Variants in BMERB1 observed in about 807,000 individuals in gnomAD.
The protein encoded by BMERB1 is bMERB domain containing 1, also known as bMERB domain-containing protein 1.
BMERB1 carries 12 observed loss-of-function variants against 23.6 expected under a neutral mutation model. That is an observed-to-expected ratio of 0.51 (90% confidence interval 0.33 to 0.82). BMERB1 has a LOEUF of 0.82. Ranked by LOEUF, BMERB1 falls within the 40% of genes least tolerant of loss-of-function variation. The pLI, the probability that BMERB1 is intolerant of heterozygous loss-of-function variation, is 0.03. For missense variants in BMERB1, 247 were observed against 255.4 expected, an observed-to-expected ratio of 0.97 and a Z score of 0.22; for synonymous variants, 122 against 96.6, an observed-to-expected ratio of 1.26 and a Z score of -1.54.
chr16:15,575,993 A>G (rs1225971810), intron 3 of BMERB1, among the ~76,000 whole-genome samples: 3 of 151,148 alleles, frequency 2.0e-5, no homozygotes, highest in Admixed American at 6.6e-5. Flanking sequence ...CCCTGCCTCC[A>G]GACCATATTC....
intron 2 of BMERB1, among the ~76,000 whole-genome samples, chr16:15,523,976 C>A (rs2051881501): frequency 6.6e-6 from 1 of 152,084 alleles, no homozygotes; most frequent in African/African-American, 2.4e-5. Context: ...TGCAACTCTA[C>A]CCTGGGGCCT....
intron 1 of BMERB1, among the ~76,000 whole-genome samples, chr16:15,513,184 A>T (rs1005150501): frequency 6.6e-6 from 1 of 152,190 alleles, no homozygotes; most frequent in African/African-American, 2.4e-5. Context: ...GCCCGAAGGA[A>T]CCCTGTAGAT....
At chr16:15,436,362 G>A (rs2050888343) in intron 1 of BMERB1, among the ~76,000 whole-genome samples, 1 of 149,314 alleles carries the variant, frequency 6.7e-6, no homozygotes, top group Non-Finnish European at 1.5e-5. Flanking sequence ...GGGTTCAAGC[G>A]ATTCTCCTGC....
chr16:15,551,350 AAAAAGGC>A (rs2030087225), intron 2 of BMERB1, among the ~76,000 whole-genome samples: 1 of 152,192 alleles, frequency 6.6e-6, no homozygotes, highest in African/African-American at 2.4e-5. Flanking sequence ...ACCATGAAGG[AAAAAGGC>A]AAAGTCCCTT....
At chr16:15,471,730 C>T (rs568970669) in intron 1 of BMERB1, among the ~76,000 whole-genome samples, 1 of 152,252 alleles carries the variant, frequency 6.6e-6, no homozygotes, top group East Asian at 1.9e-4. Context: ...GAACTACAAG[C>T]ATGCACCACC....
chr16:15,507,444 G>A (rs2150946455), intron 1 of BMERB1, among the ~76,000 whole-genome samples: 1 of 152,274 alleles, frequency 6.6e-6, no homozygotes, highest in East Asian at 1.9e-4. Context: ...TCTTCCCCCA[G>A]AAGTGACTCA....
chr16:15,482,488 GGAGCCTGGTGTGGAGGGTT>G (rs1439017326), intron 1 of BMERB1, among the ~76,000 whole-genome samples: 1 of 152,118 alleles, frequency 6.6e-6, no homozygotes, highest in East Asian at 1.9e-4. Context: ...CTTTGGAGGA[GGAGCCTGGTGTGGAGGGTT>G]GAGCCTGGTG....
chr16:15,523,601 T>C (rs988740690), intron 2 of BMERB1, among the ~76,000 whole-genome samples: 2 of 152,308 alleles, frequency 1.3e-5, no homozygotes, highest in Admixed American at 1.3e-4. Flanking sequence ...TAGCTTTGAA[T>C]TCTACTTCTT....
chr16:15,451,839 G>A (rs953593844), intron 1 of BMERB1, among the ~76,000 whole-genome samples: 1 of 146,736 alleles, frequency 6.8e-6, no homozygotes. Flanking sequence ...GCCTCCCAAA[G>A]TGCTGGGATT....
chr16:15,438,173 G>A (rs1165528830), intron 1 of BMERB1, among the ~76,000 whole-genome samples: 13 of 150,474 alleles, frequency 8.6e-5, no homozygotes, highest in African/African-American at 3.2e-4. Flanking sequence ...TGCAACCTCC[G>A]CCTCCCAGGT....
chr16:15,522,351 C>G (rs1336236109), intron 2 of BMERB1, among the ~76,000 whole-genome samples: 2 of 152,024 alleles, frequency 1.3e-5, no homozygotes, highest in Admixed American at 6.6e-5. Flanking sequence ...TAAGAGGTAC[C>G]AAGTGTGGTA....
chr16:15,471,564 C>T (rs760475571), intron 1 of BMERB1, among the ~76,000 whole-genome samples: 6 of 152,104 alleles, frequency 3.9e-5, no homozygotes, highest in Non-Finnish European at 8.8e-5. Flanking sequence ...GAGATTATCA[C>T]CTGTTTCATT....
At chr16:15,543,113 A>G (rs1001613257) in intron 2 of BMERB1, among the ~76,000 whole-genome samples, 1 of 152,104 alleles carries the variant, frequency 6.6e-6, no homozygotes, top group African/African-American at 2.4e-5. Context: ...AGTGGCTCTC[A>G]GTGGAAGGGG....
intron 1 of BMERB1, among the ~76,000 whole-genome samples, chr16:15,512,010 C>G (rs2051672271): frequency 5.2e-5 from 1 of 19,144 alleles, no homozygotes; most frequent in African/African-American, 1.5e-4. Context: ...AAGACTTGCT[C>G]TCAAAAAAAA....
At chr16:15,581,125 C>T in intron 3 of BMERB1, 92 bp from the exon 4 acceptor site, 1 of 860,306 alleles carries the variant, frequency 1.2e-6, no homozygotes, top group Non-Finnish European at 1.8e-6. Flanking sequence ...CCATGTTGAC[C>T]AGGCTGGTCT....
At chr16:15,557,633 G>C (rs537106595) in intron 2 of BMERB1, among the ~76,000 whole-genome samples, 1 of 152,206 alleles carries the variant, frequency 6.6e-6, no homozygotes, top group Admixed American at 6.5e-5. Flanking sequence ...GTGACCAGCT[G>C]TCTCTGTTTG....
chr16:15,520,115 CTTTTA>C (rs779564935), intron 2 of BMERB1, among the ~76,000 whole-genome samples: 8 of 152,130 alleles, frequency 5.3e-5, no homozygotes, highest in Non-Finnish European at 8.8e-5. Context: ...AGTTCTATCT[CTTTTA>C]TTTTATGAAT....
intron 1 of BMERB1, among the ~76,000 whole-genome samples, chr16:15,503,375 G>A (rs572282520): frequency 1.4e-4 from 21 of 151,746 alleles, no homozygotes; most frequent in African/African-American, 4.1e-4. Flanking sequence ...TCCGCCTCCC[G>A]GGTTCACGCC....
At chr16:15,502,369 A>C in intron 1 of BMERB1, 1 of 1,550,570 alleles carries the variant, frequency 6.4e-7, no homozygotes, top group Non-Finnish European at 8.7e-7. Flanking sequence ...GGCGGAGTGC[A>C]AAGAAAGGTA....
Sources: allele counts gnomAD v4.1 joint callset (sites outside exome capture counted in the v4.1 genomes callset), GRCh38; gene constraint gnomAD v4.1.1; transcripts MANE v1.5; gene names NCBI Gene and HGNC (gene_info 2026-07-23, HGNC 2026-07-21).